Variants in PIN4 observed in about 807,000 individuals in gnomAD.
PIN4 encodes the protein peptidyl-prolyl cis-trans isomerase NIMA-interacting 4.
Under a neutral mutation model 8.3 loss-of-function variants are expected in PIN4, and 3 were observed. That is an observed-to-expected ratio of 0.36 (90% CI 0.16 to 0.93). The LOEUF is 0.93. Ranked by LOEUF, PIN4 falls within the 40% of genes least tolerant of loss-of-function variation. The pLI is 0.44. For synonymous variants in PIN4, 18 were observed against 32.5 expected (o/e 0.55, Z 1.52); for missense variants, 75 against 100.6 (o/e 0.75, Z 1.09).
upstream of PIN4, chrX:72,181,738 C>T (rs1372508561): frequency 1.7e-6 from 2 of 1,175,339 alleles, no homozygotes; most frequent in East Asian, 3.0e-5. Flanking sequence ...TCTAAAGGGG[C>T]TTGTACGGCA....
At chrX:72,234,372 T>C (rs768313696) in intron 3 of PIN4, among the ~76,000 whole-genome samples, 6 of 111,954 alleles carry the variant, frequency 5.4e-5, no homozygotes, top group African/African-American at 1.6e-4. Context: ...AATTGACTGT[T>C]GGATTTAGTT....
chrX:72,222,483 G>A (rs1305070625), intron 3 of PIN4, among the ~76,000 whole-genome samples: 2 of 110,586 alleles, frequency 1.8e-5, no homozygotes, highest in Admixed American at 9.7e-5. Context: ...GGCATCAGGC[G>A]ACAGAACCAC....
chrX:72,215,074 G>T (rs1360415838), intron 3 of PIN4, among the ~76,000 whole-genome samples: 3 of 112,213 alleles, frequency 2.7e-5, no homozygotes, highest in Non-Finnish European at 5.6e-5. Flanking sequence ...ACTACTACAT[G>T]TATGAATTTA....
intron 2 of PIN4, among the ~76,000 whole-genome samples, chrX:72,192,244 C>T (rs747294531): frequency 1.6e-4 from 18 of 111,629 alleles, no homozygotes; most frequent in Admixed American, 5.7e-4. Context: ...TGAGCCACCT[C>T]GCCCAGTGTA....
chrX:72,214,923 G>A (rs1469945029), intron 3 of PIN4, among the ~76,000 whole-genome samples: 3 of 110,451 alleles, frequency 2.7e-5, no homozygotes, highest in Non-Finnish European at 5.7e-5. Flanking sequence ...GGAGATGGAG[G>A]TTGCAGTGAG....
At position 72,260,981 on chromosome X, in the gene PIN4, C is replaced by A. The variant is rs772845714; in HGVS notation, c.313-1726C>A. ...GCTTCCATGAGCTGCTTTCACCGTG[C>A]AGCCAGAGAGAGCTTTTTAAATTAA... On this transcript the variant is annotated intron_variant, in intron 3 of 3. Coordinates refer to the PIN4 transcript ENST00000423432. 4.5e-5 allele frequency among the ~76,000 whole-genome samples: 5 copies of A among 111,970 alleles called. No individual in the cohort carries two copies. In the East Asian group the frequency reaches 1.1e-3, roughly 25 times the overall value.
rs189252057 is a variant in PIN4, at chrX:72,227,117, G to A, written c.312+30213G>A. Among the ~76,000 whole-genome samples the A allele has an allele frequency of 4.0e-4, 45 of 111,876 alleles. 1 individual carries two copies. Among genetic ancestry groups the A allele is most frequent in the Non-Finnish European group, 1.5e-4 (8 of 53,190 alleles). On this transcript the variant is annotated intron_variant, in intron 3 of 3. Coordinates refer to the PIN4 transcript ENST00000423432. Reference sequence around the variant, plus strand: ...CATATGCCCCCAGTTAAAAAGGTTCGGTTTCTTCCAGTTCTCATCAATACC... The same window carrying A: ...CATATGCCCCCAGTTAAAAAGGTTCAGTTTCTTCCAGTTCTCATCAATACC...
In PIN4 at chrX:72,262,500, G is replaced by A. The variant is rs374699416; in HGVS notation, c.313-207G>A. On this transcript the variant is annotated intron_variant, in intron 3 of 3. Coordinates refer to the PIN4 transcript ENST00000423432. ...CAAATAAGCCCAATTTTTCAGGGTC[G>A]TGGAAATTCACTGCAAGGAGGAGCT... is the stretch of plus-strand genomic sequence containing the variant. 3.4e-4 allele frequency among the ~76,000 whole-genome samples: 38 copies of A among 112,072 alleles called. No individual in the cohort carries two copies. In the South Asian group the frequency reaches 0.013, roughly 39 times the overall value.
Position 72,262,761 on chromosome X carries a change from A to AC in PIN4, c.367_368insC (p.Ile123ThrfsTer40), listed in dbSNP as rs1306948689. 3 of 1,143,501 alleles carry AC rather than the reference A, an allele frequency of 2.6e-6. No homozygotes were observed. The African/African-American group carries it at 5.4e-5, about 21-fold the overall frequency. The allele number at this position is 1,143,501 out of a possible 1,213,427, so 94.2% of individuals were successfully genotyped here. The stretch of plus-strand genomic sequence containing the variant: ...CCATAGAGACCTGAGAAGCACCCTC[A>AC]TCTCATTGGTATCATATTTACAAAC... On this transcript the variant is annotated frameshift_variant, in exon 4 of 4. Coordinates refer to the PIN4 transcript ENST00000423432. LOFTEE classifies it high-confidence loss of function.
At chrX:72,232,036 G>A (rs952742600) in intron 3 of PIN4, among the ~76,000 whole-genome samples, 4 of 108,421 alleles carry the variant, frequency 3.7e-5, no homozygotes, top group African/African-American at 1.3e-4. Context: ...CTATGATGGC[G>A]CCACTGCACT....
At chrX:72,256,665 G>A (rs1267008655) in intron 3 of PIN4, among the ~76,000 whole-genome samples, 1 of 111,464 alleles carries the variant, frequency 9.0e-6, no homozygotes, top group Non-Finnish European at 1.9e-5. Context: ...ACAGTCAAAA[G>A]GGAGAAAAAA....
At chrX:72,213,444 A>G (rs1307349091) in intron 3 of PIN4, among the ~76,000 whole-genome samples, 4 of 111,448 alleles carry the variant, frequency 3.6e-5, no homozygotes, top group African/African-American at 9.8e-5. Context: ...GGTCCCTCCC[A>G]TTGTATGGGA....
At chrX:72,216,087 G>A (rs758964669) in intron 3 of PIN4, among the ~76,000 whole-genome samples, 2 of 110,612 alleles carry the variant, frequency 1.8e-5, no homozygotes, top group Admixed American at 9.7e-5. Flanking sequence ...CCTGGAGCCC[G>A]TGAATGTGAC....
At chrX:72,253,291 G>C (rs1269535180) in intron 3 of PIN4, among the ~76,000 whole-genome samples, 1 of 112,087 alleles carries the variant, frequency 8.9e-6, no homozygotes, top group Non-Finnish European at 1.9e-5. Flanking sequence ...TTCCTAACTA[G>C]TCTCCCTATT....
rs144493359 is a variant in PIN4, at chrX:72,256,439, C to T, written c.313-6268C>T. Among the ~76,000 whole-genome samples, 756 of 111,716 alleles carry T rather than the reference C, an allele frequency of 6.8e-3. 2 individuals are homozygous for T. Among genetic ancestry groups the T allele is most frequent in the Middle Eastern group, 0.023 (5 of 216 alleles). On this transcript the variant is annotated intron_variant, in intron 3 of 3. Transcript: ENST00000423432. ...GAAGATGGATGTCCCAGCTCAAAGT[C>T]GGCAGAGAAAAAGAATTCTTCCTTA...
chrX:72,248,276 A>T (rs2043074223), intron 3 of PIN4, among the ~76,000 whole-genome samples: 1 of 82,704 alleles, frequency 1.2e-5, no homozygotes, highest in African/African-American at 4.6e-5. Flanking sequence ...CCTAGGACAT[A>T]GCTTGCTCCA....
At chrX:72,218,832 CA>C (rs1290749564) in intron 3 of PIN4, among the ~76,000 whole-genome samples, 2 of 112,719 alleles carry the variant, frequency 1.8e-5, no homozygotes, top group Non-Finnish European at 3.7e-5. Flanking sequence ...TCCATAAACA[CA>C]GGATATCTTT....
chrX:72,191,592 G>A (rs2042734293), intron 2 of PIN4, among the ~76,000 whole-genome samples: 1 of 111,712 alleles, frequency 9.0e-6, no homozygotes, highest in Non-Finnish European at 1.9e-5. Flanking sequence ...TTCTGGAGGT[G>A]ATTCTAATAT....
chrX:72,237,171 C>T (rs1314628895), intron 3 of PIN4, among the ~76,000 whole-genome samples: 2 of 111,582 alleles, frequency 1.8e-5, no homozygotes, highest in Non-Finnish European at 3.8e-5. Context: ...CTGCCTATTA[C>T]AACAAAAGTA....
Sources: allele counts gnomAD v4.1 joint callset (sites outside exome capture counted in the v4.1 genomes callset), GRCh38; gene constraint gnomAD v4.1.1; transcripts MANE v1.5; gene names NCBI Gene and HGNC (gene_info 2026-07-23, HGNC 2026-07-21).